The following MLLT10 variants were observed in gnomAD, a reference collection of about 807,000 sequenced individuals.
The protein encoded by MLLT10 is protein AF-10.
In MLLT10, 30 loss-of-function variants were observed where a neutral mutation model predicts 129.1. The ratio of observed to expected loss-of-function variants is 0.23; its 90% CI spans 0.17 to 0.32. The LOEUF is 0.32. Ranked by LOEUF, MLLT10 falls within the 10% of genes least tolerant of loss-of-function variation. The pLI is 1.00. For synonymous variants in MLLT10, 490 were observed against 446.4 expected, an observed-to-expected ratio of 1.10 and a Z score of -1.23; for missense variants, 1,119 against 1,268.3, an observed-to-expected ratio of 0.88 and a Z score of 1.79.
At chr10:21,554,807 T>C (rs2037651738) in intron 3 of MLLT10, among the ~76,000 whole-genome samples, 1 of 151,264 alleles carries the variant, frequency 6.6e-6, no homozygotes, top group African/African-American at 2.4e-5. Context: ...TCTTCCTTTG[T>C]TTGTTTTTCT....
intron 8 of MLLT10, among the ~76,000 whole-genome samples, chr10:21,648,175 T>G (rs1162826021): frequency 6.6e-6 from 1 of 152,210 alleles, no homozygotes; most frequent in East Asian, 1.9e-4. Flanking sequence ...TTAATCTGTT[T>G]AAATCAACAT....
intron 3 of MLLT10, among the ~76,000 whole-genome samples, chr10:21,562,818 GTTTTTTTTTTT>G (rs1163404490): frequency 1.2e-5 from 1 of 82,570 alleles, no homozygotes; most frequent in South Asian, 3.9e-4. Context: ...TGTTTTTTTT[GTTTTTTTTTTT>G]TTTTTTTTTG....
intron 9 of MLLT10, among the ~76,000 whole-genome samples, chr10:21,655,503 T>A (rs2049483856): frequency 6.6e-6 from 1 of 151,860 alleles, no homozygotes; most frequent in Non-Finnish European, 1.5e-5. Context: ...TTTCACGTGT[T>A]ATGAAATAGT....
At chr10:21,701,045 G>A (rs1404946527) in intron 13 of MLLT10, among the ~76,000 whole-genome samples, 2 of 152,124 alleles carry the variant, frequency 1.3e-5, no homozygotes, top group Admixed American at 1.3e-4. Context: ...GTTTCTTCCT[G>A]ATTCAGTCTG....
chr10:21,612,316 T>C, intron 5 of MLLT10, 32 bp from the exon 6 acceptor site: 1 of 1,362,524 alleles, frequency 7.3e-7, no homozygotes, highest in East Asian at 2.3e-5. Flanking sequence ...AGAACATGTA[T>C]GATTTTTGTC....
intron 9 of MLLT10, among the ~76,000 whole-genome samples, chr10:21,665,460 G>A (rs2050693713): frequency 6.6e-6 from 1 of 151,770 alleles, no homozygotes; most frequent in Non-Finnish European, 1.5e-5. Context: ...AGCTAATTTT[G>A]CATTTTTAGT....
intron 13 of MLLT10, among the ~76,000 whole-genome samples, chr10:21,687,072 A>G (rs533112851): frequency 6.6e-6 from 1 of 152,304 alleles, no homozygotes; most frequent in Admixed American, 6.5e-5. Flanking sequence ...AGTCCCACTT[A>G]TTGCACTTTT....
chr10:21,699,156 T>C (rs1048496688), intron 13 of MLLT10, among the ~76,000 whole-genome samples: 2 of 152,132 alleles, frequency 1.3e-5, no homozygotes, highest in Non-Finnish European at 2.9e-5. Context: ...ATTACAGGTG[T>C]GAGCCACCGT....
intron 7 of MLLT10, among the ~76,000 whole-genome samples, chr10:21,615,523 C>T (rs2045163168): frequency 7.0e-6 from 1 of 143,058 alleles, no homozygotes; most frequent in African/African-American, 2.6e-5. Flanking sequence ...TGTTGGTATA[C>T]ATTTAGTGAA....
chr10:21,545,800 A>G (rs1035632421), intron 3 of MLLT10, among the ~76,000 whole-genome samples: 17 of 152,136 alleles, frequency 1.1e-4, no homozygotes, highest in African/African-American at 4.1e-4. Flanking sequence ...CTGAGTAGCT[A>G]GGACTATAGG....
intron 15 of MLLT10, among the ~76,000 whole-genome samples, chr10:21,726,585 T>C (rs1316738305): frequency 1.3e-5 from 2 of 151,994 alleles, no homozygotes; most frequent in African/African-American, 4.8e-5. Context: ...CATCAATTTG[T>C]ACTCCAAATT....
chr10:21,682,591 G>T (rs2052856276), intron 13 of MLLT10, among the ~76,000 whole-genome samples: 1 of 152,082 alleles, frequency 6.6e-6, no homozygotes, highest in South Asian at 2.1e-4. Context: ...TGGTACCTAG[G>T]GGAAGAATTT....
chr10:21,561,365 A>G (rs997866218), intron 3 of MLLT10, among the ~76,000 whole-genome samples: 1 of 151,998 alleles, frequency 6.6e-6, no homozygotes, highest in African/African-American at 2.4e-5. Flanking sequence ...GGTTCAAGCG[A>G]TTCTTCTGCC....
intron 5 of MLLT10, among the ~76,000 whole-genome samples, chr10:21,609,933 A>G (rs1388943350): frequency 6.6e-6 from 1 of 152,056 alleles, no homozygotes; most frequent in Admixed American, 6.6e-5. Context: ...ATTATTTTTG[A>G]CAAAAACCTT....
intron 8 of MLLT10, among the ~76,000 whole-genome samples, chr10:21,619,019 C>G (rs1225427705): frequency 2.2e-5 from 3 of 139,014 alleles, no homozygotes; most frequent in African/African-American, 8.3e-5. Flanking sequence ...AGCCACCGTG[C>G]CTGGTGACAT....
intron 3 of MLLT10, among the ~76,000 whole-genome samples, chr10:21,585,168 C>T (rs967613408): frequency 1.6e-4 from 25 of 151,918 alleles, no homozygotes; most frequent in Non-Finnish European, 3.1e-4. Context: ...AAGCGATCTA[C>T]CTACCTCAGC....
intron 20 of MLLT10, among the ~76,000 whole-genome samples, chr10:21,734,663 T>C (rs1297815234): frequency 1.3e-5 from 2 of 152,214 alleles, no homozygotes; most frequent in Non-Finnish European, 2.9e-5. Context: ...TACTTTTAAA[T>C]GGATTTGCAG....
chr10:21,556,190 G>T (rs2037931211), intron 3 of MLLT10, among the ~76,000 whole-genome samples: 1 of 152,032 alleles, frequency 6.6e-6, no homozygotes, highest in South Asian at 2.1e-4. Context: ...TGGCCAGGCT[G>T]GTCTCAGGGT....
At chr10:21,551,220 C>T (rs1027665886) in intron 3 of MLLT10, among the ~76,000 whole-genome samples, 15 of 151,026 alleles carry the variant, frequency 9.9e-5, no homozygotes, top group East Asian at 1.9e-4. Flanking sequence ...CCACCGTGCC[C>T]GGCCAACTTA....
Sources: gnomAD v4.1 joint callset for allele counts (sites outside exome capture counted in the v4.1 genomes callset) on GRCh38, gnomAD v4.1.1 for gene constraint, MANE v1.5 for transcripts, NCBI Gene and HGNC (gene_info 2026-07-23, HGNC 2026-07-21) for gene names.